The following RASSF3 variants were observed in gnomAD, a reference collection of about 807,000 sequenced individuals.
RASSF3 encodes the protein ras association domain-containing protein 3.
In RASSF3, 19 loss-of-function variants were observed where a neutral mutation model predicts 19.9. That is an observed-to-expected ratio of 0.96 (90% confidence interval 0.67 to 1.40). The LOEUF (loss-of-function observed/expected upper bound fraction) is 1.40, where lower values mean the gene tolerates loss of function less well. RASSF3 is among the 40% of genes most tolerant of loss of function. The pLI is 0.00. For synonymous variants in RASSF3, 110 were observed against 104.2 expected, an observed-to-expected ratio of 1.06 and a Z score of -0.34; for missense variants, 306 against 289.8, an observed-to-expected ratio of 1.06 and a Z score of -0.41.
intron 1 of RASSF3, among the ~76,000 whole-genome samples, chr12:64,613,347 ATTT>A (rs372033341): frequency 1.4e-5 from 2 of 145,520 alleles, no homozygotes; most frequent in Non-Finnish European, 3.0e-5. Context: ...AGATACAGTG[ATTT>A]TTTTTTTTTT....
intron 1 of RASSF3, among the ~76,000 whole-genome samples, chr12:64,643,281 A>G (rs1274911991): frequency 6.6e-6 from 1 of 152,202 alleles, no homozygotes; most frequent in Admixed American, 6.5e-5. Flanking sequence ...TCTGGTCCAT[A>G]GTAAAGCTCC....
chr12:64,689,207 G>A (rs117947873), intron 3 of RASSF3, among the ~76,000 whole-genome samples: 33 of 142,304 alleles, frequency 2.3e-4, no homozygotes, highest in East Asian at 2.2e-3. Context: ...CACTACATGC[G>A]ATTTGAAATC....
chr12:64,562,103 C>T (rs1441016284), intron 2 of RASSF3, among the ~76,000 whole-genome samples: 22 of 151,632 alleles, frequency 1.5e-4, no homozygotes, highest in Non-Finnish European at 4.4e-5. Flanking sequence ...TGCAGTGGTG[C>T]GATCTTGACT....
At chr12:64,611,748 C>G (rs1208831526) in intron 1 of RASSF3, 1 of 152,258 alleles carries the variant, frequency 6.6e-6, no homozygotes, top group Non-Finnish European at 1.5e-5. Context: ...CAAGAAGAAT[C>G]GTTCAGGGGC....
intron 2 of RASSF3, among the ~76,000 whole-genome samples, chr12:64,573,633 C>T (rs576854791): frequency 6.6e-6 from 1 of 152,304 alleles, no homozygotes; most frequent in African/African-American, 2.4e-5. Flanking sequence ...TTATTGGTCT[C>T]AGGTCCCATT....
intron 1 of RASSF3, among the ~76,000 whole-genome samples, chr12:64,644,629 T>C (rs922835158): frequency 9.9e-5 from 15 of 151,932 alleles, no homozygotes; most frequent in African/African-American, 3.4e-4. Flanking sequence ...CCCAGGAGGT[T>C]GAGGCTGCAG....
intron 3 of RASSF3, among the ~76,000 whole-genome samples, chr12:64,690,309 G>C (rs1868262553): frequency 6.6e-6 from 1 of 151,854 alleles, no homozygotes; most frequent in Non-Finnish European, 1.5e-5. Context: ...AGCCTCCCAA[G>C]TAGCTACAAT....
intron 1 of RASSF3, among the ~76,000 whole-genome samples, chr12:64,680,213 AG>A (rs950609731): frequency 1.1e-4 from 17 of 152,110 alleles, no homozygotes; most frequent in Non-Finnish European, 2.5e-4. Flanking sequence ...TCTTTTTTAA[AG>A]GGGTAAACAA....
At chr12:64,582,982 A>T (rs1216680678) in intron 2 of RASSF3, among the ~76,000 whole-genome samples, 1 of 152,178 alleles carries the variant, frequency 6.6e-6, no homozygotes, top group Non-Finnish European at 1.5e-5. Flanking sequence ...CTTTGTGCAT[A>T]GCAGCATAAA....
At chr12:64,676,772 CT>C (rs1347528750) in intron 1 of RASSF3, among the ~76,000 whole-genome samples, 322 of 128,938 alleles carry the variant, frequency 2.5e-3, no homozygotes, top group Middle Eastern at 0.016. Flanking sequence ...CACCTGGCCA[CT>C]TTTTTTTTTT....
At chr12:64,518,600 G>A (rs933093152) in intron 1 of RASSF3, among the ~76,000 whole-genome samples, 8 of 152,228 alleles carry the variant, frequency 5.3e-5, no homozygotes, top group African/African-American at 1.9e-4. Context: ...GAGATTTGAA[G>A]GGGACAAACA....
At chr12:64,636,235 G>A (rs950304658) in intron 1 of RASSF3, among the ~76,000 whole-genome samples, 1 of 151,726 alleles carries the variant, frequency 6.6e-6, no homozygotes, top group Admixed American at 6.6e-5. Flanking sequence ...TCCCCGCTCA[G>A]CCTCCCAAGG....
At chr12:64,591,676 C>T (rs751265972) in intron 2 of RASSF3, among the ~76,000 whole-genome samples, 6 of 152,026 alleles carry the variant, frequency 3.9e-5, no homozygotes, top group African/African-American at 9.7e-5. Flanking sequence ...TTTTTGTGTG[C>T]GTGCCTCTAA....
At chr12:64,655,932 C>T (rs1034276165) in intron 1 of RASSF3, among the ~76,000 whole-genome samples, 3 of 149,504 alleles carry the variant, frequency 2.0e-5, no homozygotes, top group Non-Finnish European at 4.4e-5. Flanking sequence ...GAGGCTAAGG[C>T]AGGAAAATTG....
chr12:64,645,750 G>A (rs938111685), intron 1 of RASSF3, among the ~76,000 whole-genome samples: 1 of 151,696 alleles, frequency 6.6e-6, no homozygotes, highest in Non-Finnish European at 1.5e-5. Context: ...TTTAAAAATT[G>A]GGGTATCACT....
At chr12:64,542,995 T>G (rs527795477), downstream of RASSF3, among the ~76,000 whole-genome samples, 4 of 145,202 alleles carry the variant, frequency 2.8e-5, no homozygotes, top group Non-Finnish European at 3.0e-5. Flanking sequence ...GGGCGTGGGC[T>G]TGGCGGGGCC....
chr12:64,677,025 C>T (rs1010330430), intron 1 of RASSF3, among the ~76,000 whole-genome samples: 3 of 152,096 alleles, frequency 2.0e-5, no homozygotes, highest in Non-Finnish European at 2.9e-5. Context: ...GCCTTGGCCT[C>T]CTAAAGTGCT....
At chr12:64,526,463 C>A (rs1868587778) in intron 1 of RASSF3, among the ~76,000 whole-genome samples, 1 of 152,128 alleles carries the variant, frequency 6.6e-6, no homozygotes, top group African/African-American at 2.4e-5. Flanking sequence ...TCCCCTAACC[C>A]CTCCCAACCC....
At chr12:64,614,239 T>A (rs1297256658) in intron 1 of RASSF3, among the ~76,000 whole-genome samples, 1 of 151,312 alleles carries the variant, frequency 6.6e-6, no homozygotes, top group African/African-American at 2.4e-5. Flanking sequence ...GTGCAAACGA[T>A]TCTCCTGCCT....
Sources: gnomAD v4.1 joint callset for allele counts (sites outside exome capture counted in the v4.1 genomes callset) on GRCh38, gnomAD v4.1.1 for gene constraint, MANE v1.5 for transcripts, NCBI Gene and HGNC (gene_info 2026-07-23, HGNC 2026-07-21) for gene names.